SIPA1L1: variants seen among roughly 807,000 people sequenced by gnomAD.
SIPA1L1 encodes the protein signal induced proliferation associated 1 like 1.
Under a neutral mutation model 162.7 loss-of-function variants are expected in SIPA1L1, and 26 were observed. The observed-to-expected ratio is 0.16, with a 90% CI of 0.12 to 0.22. The LOEUF is 0.22. Among genes scored for constraint, SIPA1L1 ranks in the 10% least tolerant of loss-of-function variants. The pLI is 1.00. For synonymous variants in SIPA1L1, 829 were observed against 837.4 expected, an observed-to-expected ratio of 0.99 and a Z score of 0.17; for missense variants, 1,874 against 2,241.0, an observed-to-expected ratio of 0.84 and a Z score of 3.31.
intron 13 of SIPA1L1, among the ~76,000 whole-genome samples, chr14:71,692,793 G>A (rs2081342716): frequency 6.6e-6 from 1 of 152,158 alleles, no homozygotes; most frequent in African/African-American, 2.4e-5. Context: ...CTCACCCTAG[G>A]GAAATGTTTC....
chr14:71,665,877 A>G (rs562799387), intron 10 of SIPA1L1, among the ~76,000 whole-genome samples: 51 of 152,320 alleles, frequency 3.3e-4, no homozygotes, highest in Non-Finnish European at 4.0e-4. Context: ...AGTTATAACA[A>G]TATACTTTAA....
At chr14:71,436,307 A>G (rs979941988) in intron 2 of SIPA1L1, among the ~76,000 whole-genome samples, 2 of 152,096 alleles carry the variant, frequency 1.3e-5, no homozygotes, top group African/African-American at 4.8e-5. Flanking sequence ...TTACTATTCT[A>G]CTTCATGGTT....
chr14:71,592,355 T>C (rs1028323498), intron 5 of SIPA1L1, among the ~76,000 whole-genome samples: 1 of 152,228 alleles, frequency 6.6e-6, no homozygotes, highest in Non-Finnish European at 1.5e-5. Context: ...AATTGTTGTT[T>C]ATACTTTTAT....
rs1160878627 is a variant in SIPA1L1, at chr14:71,588,974, G to A, written c.1102G>A (p.Val368Met). ...NTTTGASAAA[V>M]ASLVSGPLSH... ...CACCACTGGAGCTTCCGCAGCTGCC[G>A]TGGCATCCTTGGTCTCTGGACCTCT... Residue 368 changes from valine (V) to methionine (M), a missense_variant, in exon 5 of 24, where the codon GTG becomes ATG. Coordinates refer to ENST00000381232, the MANE Select transcript of SIPA1L1 (RefSeq NM_001386936.1). The surrounding 1 kb of genome is among the most constrained non-coding windows in gnomAD (Gnocchi z 4.3). 4 of 1,614,094 alleles carry A rather than the reference G, an allele frequency of 2.5e-6. No homozygotes were observed. The highest frequency in any genetic ancestry group is 1.7e-4 in the Middle Eastern group (1 of 6,058).
chr14:71,732,177 A>G (rs1366368235), intron 20 of SIPA1L1, among the ~76,000 whole-genome samples: 1 of 152,194 alleles, frequency 6.6e-6, no homozygotes, highest in East Asian at 1.9e-4. Flanking sequence ...TACTTCAGAG[A>G]AGTTCTTTTC....
chr14:71,477,088 C>G (rs570232788), intron 2 of SIPA1L1, among the ~76,000 whole-genome samples: 2 of 152,096 alleles, frequency 1.3e-5, no homozygotes, highest in African/African-American at 4.8e-5. Context: ...AACCCCATCT[C>G]TAAAAATACA....
At chr14:71,436,632 T>C (rs535333282) in intron 2 of SIPA1L1, among the ~76,000 whole-genome samples, 2 of 152,140 alleles carry the variant, frequency 1.3e-5, no homozygotes, top group Non-Finnish European at 2.9e-5. Flanking sequence ...TAAATTATTA[T>C]ATATTTATAA....
At chr14:71,417,821 A>T (rs1364973596) in intron 2 of SIPA1L1, among the ~76,000 whole-genome samples, 1 of 152,228 alleles carries the variant, frequency 6.6e-6, no homozygotes, top group East Asian at 1.9e-4. Flanking sequence ...TAAAAATACT[A>T]AAAATGTATA....
chr14:71,658,692 T>C (rs1298725657), intron 9 of SIPA1L1, among the ~76,000 whole-genome samples: 2 of 152,240 alleles, frequency 1.3e-5, no homozygotes, highest in African/African-American at 2.4e-5. Context: ...ATTGAGGTTT[T>C]CATGAAATCT....
At chr14:71,328,526 A>G (rs2034101362) in intron 2 of SIPA1L1, among the ~76,000 whole-genome samples, 2 of 152,214 alleles carry the variant, frequency 1.3e-5, no homozygotes, top group Admixed American at 6.5e-5. Context: ...TCTATGCTTG[A>G]CAATAAGGTA....
At position 71,588,765 on chromosome 14, in the gene SIPA1L1, A is replaced by C; in HGVS notation, c.893A>C (p.Lys298Thr). The C allele has an allele frequency of 6.2e-7, 1 of 1,614,022 alleles. No individual in the cohort carries two copies. Among genetic ancestry groups the C allele is most frequent in the Non-Finnish European group, 8.5e-7 (1 of 1,179,962 alleles). Residue 298 changes from lysine (K) to threonine (T), a missense_variant, in exon 5 of 24, where the codon AAA becomes ACA. Around this residue, in one of 5 missense-constraint regions of SIPA1L1, gnomAD observed 685 missense variants for 828.0 expected, o/e 0.83. Coordinates refer to ENST00000381232, the MANE Select transcript of SIPA1L1 (RefSeq NM_001386936.1). The surrounding 1 kb of genome is among the most constrained non-coding windows in gnomAD (Gnocchi z 4.3). ...ACTGGAGACTCATCTATTTTTCGTA[A>C]ATTGCGCAATGCCAAAGGTGAAGAA... Reference protein sequence around the residue: ...SETGDSSIFRKLRNAKGEELG... With the variant: ...SETGDSSIFRTLRNAKGEELG...
At chr14:71,346,637 A>G (rs1232968823) in intron 2 of SIPA1L1, among the ~76,000 whole-genome samples, 1 of 152,232 alleles carries the variant, frequency 6.6e-6, no homozygotes, top group Non-Finnish European at 1.5e-5. Context: ...TGGCTTCTAA[A>G]GAAGTCAACA....
At chr14:71,360,882 C>T (rs2037742995) in intron 2 of SIPA1L1, among the ~76,000 whole-genome samples, 1 of 152,050 alleles carries the variant, frequency 6.6e-6, no homozygotes, top group South Asian at 2.1e-4. Context: ...ATATTTTAAA[C>T]CTTAAGAAAG....
chr14:71,575,053 G>A (rs531819856), intron 4 of SIPA1L1: 1 of 152,106 alleles, frequency 6.6e-6, no homozygotes, highest in South Asian at 2.1e-4. Flanking sequence ...CTCTATTTTC[G>A]GAACCATGAT....
At chr14:71,715,307 G>T (rs1479178807) in intron 17 of SIPA1L1, among the ~76,000 whole-genome samples, 1 of 152,196 alleles carries the variant, frequency 6.6e-6, no homozygotes, top group Non-Finnish European at 1.5e-5. Context: ...TGTAATCTAG[G>T]AGATGGCATA....
rs554721820 is a variant in SIPA1L1 at position 71,612,651 on chromosome 14, ATAGT to A, written c.1499-6103_1499-6100del. ...AACCAGTGCAAGTGACAAAAAATTG[ATAGT>A]TAAAGCCCTGTAACTCTTGTAATTG... On this transcript the variant is annotated intron_variant, in intron 5 of 23. Coordinates refer to ENST00000381232, the MANE Select transcript of SIPA1L1 (RefSeq NM_001386936.1). Among the ~76,000 whole-genome samples, 122 of 152,302 alleles carry A rather than the reference ATAGT, an allele frequency of 8.0e-4. 3 individuals are homozygous for A. The South Asian group carries it at 0.019, about 24-fold the overall frequency.
intron 3 of SIPA1L1, among the ~76,000 whole-genome samples, chr14:71,519,172 T>C (rs1020681546): frequency 6.6e-6 from 1 of 152,164 alleles, no homozygotes; most frequent in African/African-American, 2.4e-5. Flanking sequence ...GGCATGCACC[T>C]GTAGTCCCAG....
intron 15 of SIPA1L1, 42 bp downstream of exon 15, chr14:71,702,547 G>T: frequency 6.3e-7 from 1 of 1,588,788 alleles, no homozygotes. Flanking sequence ...GCTTTTACAA[G>T]GTGACTTAGG....
intron 2 of SIPA1L1, among the ~76,000 whole-genome samples, chr14:71,482,840 C>T (rs777795515): frequency 1.8e-4 from 28 of 152,082 alleles, no homozygotes; most frequent in Admixed American, 1.4e-3. Flanking sequence ...GAATAGGACC[C>T]GTAAGGAATT....
Sources: gnomAD v4.1 joint callset for allele counts (sites outside exome capture counted in the v4.1 genomes callset) on GRCh38, gnomAD v4.1.1 for gene constraint, gnomAD v4.1.1 regional missense constraint, Gnocchi (gnomAD v3.1) non-coding constraint, MANE v1.5 for transcripts, NCBI Gene and HGNC (gene_info 2026-07-23, HGNC 2026-07-21) for gene names.